Variants in PYROXD2 observed in about 807,000 individuals in gnomAD.
The protein encoded by PYROXD2 is pyridine nucleotide-disulphide oxidoreductase domain 2.
A neutral mutation model predicts 71.1 loss-of-function variants in PYROXD2; 69 were observed. That is an observed-to-expected ratio of 0.97 (90% CI 0.80 to 1.19). The LOEUF (loss-of-function observed/expected upper bound fraction) is 1.19. PYROXD2 is among the 50% of genes most tolerant of loss of function. The pLI, the probability that PYROXD2 is intolerant of heterozygous loss-of-function variation, is 0.00. For synonymous variants in PYROXD2, 287 were observed against 302.7 expected, an observed-to-expected ratio of 0.95 and a Z score of 0.54; for missense variants, 745 against 748.9, an observed-to-expected ratio of 0.99 and a Z score of 0.06.
Position 98,395,199 on chromosome 10 carries a change from C to A in PYROXD2, c.782G>T (p.Ser261Ile), listed in dbSNP as rs1296371348. Residue 261 changes from serine to isoleucine, a missense_variant, in exon 8 of 16, where the codon AGT becomes ATT. By Grantham distance (142) the Ser-to-Ile change is moderately radical. Transcript: ENST00000370575. ...CCACCTCACCCCCCTCACTCACCCACTCCCCGGAGTGTGGGGACTTGTCAT... is the reference window on the plus strand; with the variant it reads ...CCACCTCACCCCCCTCACTCACCCAATCCCCGGAGTGTGGGGACTTGTCAT... ...GAMTSPHTPGSGYVLLHHVMG... is the reference protein window; with the variant it reads ...GAMTSPHTPGIGYVLLHHVMG... 6.2e-7 allele frequency: 1 copy of A among 1,613,176 alleles called. No individual in the cohort carries two copies. The highest frequency in any genetic ancestry group is 1.3e-5 in the African/African-American group (1 of 74,920).
chr10:98,387,223 C>T lies in PYROXD2; in HGVS notation c.1532G>A (p.Arg511Lys). 1.2e-6 allele frequency: 2 copies of T among 1,614,094 alleles called. No individual in the cohort carries two copies. The highest frequency in any genetic ancestry group is 1.7e-6 in the Non-Finnish European group (2 of 1,179,956). ...RDILTPPDLE[R>K]IFGLPGGNIF... ...TACCCCTCCAGGAAGCCCGAAGATT[C>T]TCTCCAAATCTGGTGGTGTGAGGAT... The change falls in exon 14 of 16, where the codon AGA (arginine) becomes AAA (lysine). Residue 511 changes from arginine (R) to lysine (K), a missense_variant. Transcript: ENST00000370575.
At chr10:98,394,087 C>T (rs920756879) in intron 8 of PYROXD2, among the ~76,000 whole-genome samples, 1 of 152,228 alleles carries the variant, frequency 6.6e-6, no homozygotes, top group Admixed American at 6.5e-5. Context: ...TAGCATCACA[C>T]TCACGCCACT....
At chr10:98,410,124 C>G (rs912239356) in intron 2 of PYROXD2, among the ~76,000 whole-genome samples, 1 of 152,166 alleles carries the variant, frequency 6.6e-6, no homozygotes, top group African/African-American at 2.4e-5. Context: ...TTTTAAATTA[C>G]TGATCCATTG....
In PYROXD2 at chr10:98,410,975, C is replaced by T. The variant is rs769554387; in HGVS notation, c.128-17G>A. ...CGTTGTGTCCTGCAACAAAACGGGA[C>T]AGGGAAGGAAAACATCACTGGTCAG... On this transcript the variant is annotated splice_polypyrimidine_tract_variant and intron_variant, in intron 1 of 15. Transcript: ENST00000370575. 4.5e-6 allele frequency: 7 copies of T among 1,560,626 alleles called. No individual in the cohort carries two copies. In the South Asian group the frequency reaches 8.3e-5, roughly 18 times the overall value.
intron 4 of PYROXD2, among the ~76,000 whole-genome samples, chr10:98,406,836 G>T (rs922845713): frequency 7.7e-5 from 11 of 143,730 alleles, no homozygotes; most frequent in Admixed American, 5.0e-4. Flanking sequence ...AGCTTGCAGT[G>T]AGCTGAGATC....
intron 8 of PYROXD2, 71 bp downstream of exon 8, chr10:98,395,125 G>A: frequency 1.5e-6 from 2 of 1,328,902 alleles, no homozygotes; most frequent in South Asian, 1.2e-5. Context: ...TGCTGCCACT[G>A]CCACTGTTGT....
chr10:98,386,056 C>T (rs1052640398), intron 14 of PYROXD2, among the ~76,000 whole-genome samples: 1 of 151,512 alleles, frequency 6.6e-6, no homozygotes, highest in Admixed American at 6.6e-5. Context: ...GTGGGAGGAT[C>T]ACTTGAGCCC....
intron 10 of PYROXD2, among the ~76,000 whole-genome samples, chr10:98,391,843 C>T (rs2135942270): frequency 6.6e-6 from 1 of 152,262 alleles, no homozygotes; most frequent in African/African-American, 2.4e-5. Context: ...CCCGGTCATC[C>T]CAGCAGAAAC....
intron 15 of PYROXD2, 63 bp downstream of exon 15, chr10:98,384,884 A>G (rs1345691309): frequency 6.6e-7 from 1 of 1,514,256 alleles, no homozygotes; most frequent in Non-Finnish European, 8.8e-7. Flanking sequence ...TCCTTCTCCA[A>G]GTCTCTGGCC....
At chr10:98,395,011 C>T (rs1252369104) in intron 8 of PYROXD2, among the ~76,000 whole-genome samples, 185 bp downstream of exon 8, 1 of 152,086 alleles carries the variant, frequency 6.6e-6, no homozygotes, top group Non-Finnish European at 1.5e-5. Flanking sequence ...CTTCTCTGAA[C>T]CGCAGTTCTC....
At chr10:98,394,012 C>T (rs1028637836) in intron 8 of PYROXD2, among the ~76,000 whole-genome samples, 1 of 152,138 alleles carries the variant, frequency 6.6e-6, no homozygotes, top group Non-Finnish European at 1.5e-5. Flanking sequence ...GGTCTCAGAT[C>T]AAACACCTCT....
chr10:98,397,594 C>G, intron 5 of PYROXD2, 96 bp from the exon 6 acceptor site: 4 of 1,413,444 alleles, frequency 2.8e-6, no homozygotes, highest in Non-Finnish European at 3.7e-6. Context: ...CTTGACGGTT[C>G]CTCAGGCCTC....
Position 98,401,273 on chromosome 10 carries a change from A to AAAAAAAAC in PYROXD2, c.316-1017_316-1016insGTTTTTTT, listed in dbSNP as rs149519972. Among the ~76,000 whole-genome samples, 224 of 121,642 alleles carry AAAAAAAAC rather than the reference A, an allele frequency of 1.8e-3. 22 individuals carry two copies. The highest frequency in any genetic ancestry group is 6.0e-3 in the African/African-American group (163 of 27,376). 79.8% of individuals were successfully genotyped at this position (121,642 alleles called of 152,430 possible). On this transcript the variant is annotated intron_variant, in intron 4 of 15. Coordinates refer to ENST00000370575, the MANE Select transcript of PYROXD2 (RefSeq NM_032709.3). ...TGTCTCAAAAAAAAAAAAACAAAAA[A>AAAAAAAAC]AAACAAACATAGAAAAGGTACATTA...
At chr10:98,391,697 G>A (rs1221792536) in intron 10 of PYROXD2, among the ~76,000 whole-genome samples, 3 of 152,202 alleles carry the variant, frequency 2.0e-5, no homozygotes, top group East Asian at 3.9e-4. Context: ...CAAACAGGAT[G>A]CAAAGAGATC....
chr10:98,392,293 TA>T, intron 10 of PYROXD2, 138 bp downstream of exon 10: 1 of 1,403,746 alleles, frequency 7.1e-7, no homozygotes, highest in South Asian at 1.4e-5. Flanking sequence ...TACCTGCCCT[TA>T]CCCCCCTGTT....
chr10:98,394,543 A>ACACACAC, intron 8 of PYROXD2, among the ~76,000 whole-genome samples: 2 of 141,910 alleles, frequency 1.4e-5, no homozygotes, highest in South Asian at 4.7e-4. Context: ...TCTCCATCCC[A>ACACACAC]ACACACACAC....
At chr10:98,398,390 C>A in intron 5 of PYROXD2, among the ~76,000 whole-genome samples, 1 of 152,104 alleles carries the variant, frequency 6.6e-6, no homozygotes, top group South Asian at 2.1e-4. Flanking sequence ...GGCACAGGAG[C>A]AGTGATAGAA....
Position 98,387,926 on chromosome 10 carries a change from G to A in PYROXD2, c.1447+428C>T, listed in dbSNP as rs868341736. ...TGGAATTACAGGCATGAGCCCCCAC[G>A]CCTGGCCTGATCAAGCTGTTTCTCT... On this transcript the variant is annotated intron_variant, in intron 13 of 15. Coordinates refer to ENST00000370575, the MANE Select transcript of PYROXD2 (RefSeq NM_032709.3). The A allele has an allele frequency of 2.6e-5, 6 of 228,480 alleles. No homozygotes were observed. In the South Asian group the frequency reaches 2.7e-4, roughly 10 times the overall value. The allele number at this position is 228,480 out of a possible 1,614,324, so 14.2% of individuals were successfully genotyped here. A position where few individuals can be genotyped will look rare whatever the true frequency, so the allele number is the denominator to read the frequency against.
At chr10:98,405,608 C>T (rs559491966) in intron 4 of PYROXD2, among the ~76,000 whole-genome samples, 70 of 152,320 alleles carry the variant, frequency 4.6e-4, no homozygotes, top group African/African-American at 1.6e-3. Context: ...GGTGAAATCA[C>T]GCAGCTGGTG....
Sources: allele counts gnomAD v4.1 joint callset (sites outside exome capture counted in the v4.1 genomes callset), GRCh38; gene constraint gnomAD v4.1.1; transcripts MANE v1.5; gene names NCBI Gene and HGNC (gene_info 2026-07-23, HGNC 2026-07-21).